The following CELF5 variants were observed in gnomAD, a reference collection of about 807,000 sequenced individuals.
CELF5 encodes CUG-BP and ETR-3 like factor 5.
A neutral mutation model predicts 54.9 loss-of-function variants in CELF5; 6 were observed. That is an observed-to-expected ratio of 0.11 (90% CI 0.06 to 0.22). CELF5 has a LOEUF of 0.22. CELF5 is among the 10% of genes least tolerant of loss of function. CELF5 has a pLI of 1.00. For missense variants in CELF5, 401 were observed against 678.6 expected (o/e 0.59, Z 4.54); for synonymous variants, 271 against 290.9 (o/e 0.93, Z 0.70).
intron 1 of CELF5, among the ~76,000 whole-genome samples, chr19:3,234,843 A>G (rs1423799424): frequency 1.3e-5 from 2 of 151,552 alleles, no homozygotes; most frequent in Non-Finnish European, 1.5e-5. Flanking sequence ...CTCATCCCTC[A>G]CCTGGACCAG....
chr19:3,255,695 C>A (rs777404699), intron 2 of CELF5, among the ~76,000 whole-genome samples: 5 of 152,156 alleles, frequency 3.3e-5, no homozygotes, highest in Non-Finnish European at 7.3e-5. Flanking sequence ...GCATCTTTCC[C>A]CTCAAACCTC....
chr19:3,270,299 G>A (rs1044306001), intron 2 of CELF5, among the ~76,000 whole-genome samples: 1 of 152,214 alleles, frequency 6.6e-6, no homozygotes, highest in Admixed American at 6.5e-5. Context: ...AAACGGAGAG[G>A]AAGGGAAGGG....
intron 1 of CELF5, among the ~76,000 whole-genome samples, chr19:3,248,296 C>A (rs563894847): frequency 2.6e-5 from 4 of 152,204 alleles, no homozygotes; most frequent in Admixed American, 2.6e-4. Context: ...GCTGGGATGA[C>A]AGGCGAGAGT....
Position 3,282,522 on chromosome 19 carries a change from G to A in CELF5, c.1039+24G>A. ...AGGTAAATTGGGGTCGTCCTCTGGG[G>A]CCTAGGAGAGTGGTGGGGAATAAAG... On this transcript the variant is annotated intron_variant, in intron 8 of 12. Transcript: ENST00000292672. This position sits in a 1 kb window ranked among gnomAD's most constrained non-coding sequence, Gnocchi z 5.2. The A allele has an allele frequency of 1.9e-6, 3 of 1,599,718 alleles. No homozygotes were observed. The highest frequency in any genetic ancestry group is 1.1e-5 in the South Asian group (1 of 89,610).
intron 1 of CELF5, among the ~76,000 whole-genome samples, chr19:3,249,215 C>T (rs2079614062): frequency 6.6e-6 from 1 of 152,020 alleles, no homozygotes; most frequent in Admixed American, 6.6e-5. Context: ...TTGACAACAT[C>T]GGAGCAGCCC....
At position 3,281,416 on chromosome 19, in the gene CELF5, C is replaced by A; in HGVS notation, c.750+71C>A. ...CAGTCTCTGTCTACTCTCTGTCGGG[C>A]TCCTGCCTCTCCCTCCATCTCCCTG... On this transcript the variant is annotated intron_variant, in intron 6 of 12. Coordinates refer to ENST00000292672, the MANE Select transcript of CELF5 (RefSeq NM_021938.4). The surrounding 1 kb of genome is among the most constrained non-coding windows in gnomAD (Gnocchi z 6.5). The A allele has an allele frequency of 6.7e-7, 1 of 1,501,782 alleles. No individual in the cohort carries two copies. Among genetic ancestry groups the A allele is most frequent in the Non-Finnish European group, 9.0e-7 (1 of 1,108,686 alleles). The allele number at this position is 1,501,782 out of a possible 1,614,324, so 93.0% of individuals were successfully genotyped here.
chr19:3,234,949 G>T (rs2144991775), intron 1 of CELF5, among the ~76,000 whole-genome samples: 1 of 152,114 alleles, frequency 6.6e-6, no homozygotes, highest in Non-Finnish European at 1.5e-5. Context: ...GAGCACCTGA[G>T]TCAGGACCCG....
chr19:3,233,402 CAAAT>C (rs558466335), intron 1 of CELF5, among the ~76,000 whole-genome samples: 146 of 152,266 alleles, frequency 9.6e-4, no homozygotes, highest in Non-Finnish European at 1.5e-3. Context: ...AACTAGGAAA[CAAAT>C]AAAGTTGAGA....
chr19:3,278,409 G>A lies in CELF5; in HGVS notation c.603+299G>A, dbSNP rs547578260. ...TGCATGTCTGGGTGTGAGTGTGCCC[G>A]AGACTGCATGCATGTGTGTGTGTGA... On this transcript the variant is annotated intron_variant, in intron 5 of 12. Transcript: ENST00000292672. This position sits in a 1 kb window ranked among gnomAD's most constrained non-coding sequence, Gnocchi z 4.5. 6.6e-6 allele frequency among the ~76,000 whole-genome samples: 1 copy of A among 151,836 alleles called. No individual in the cohort carries two copies. Among genetic ancestry groups the A allele is most frequent in the Non-Finnish European group, 1.5e-5 (1 of 67,954 alleles).
chr19:3,241,111 G>C (rs2079484847), intron 1 of CELF5, among the ~76,000 whole-genome samples: 1 of 150,670 alleles, frequency 6.6e-6, no homozygotes, highest in Non-Finnish European at 1.5e-5. Context: ...CACCAGGCTG[G>C]AGCGCAGTGG....
intron 10 of CELF5, among the ~76,000 whole-genome samples, chr19:3,288,073 T>C (rs2080283322): frequency 1.3e-5 from 2 of 152,148 alleles, no homozygotes; most frequent in Non-Finnish European, 2.9e-5. Context: ...GTGTGTGGCA[T>C]GCAGCGTGTA....
At chr19:3,292,310 T>G (rs932811225) in intron 11 of CELF5, among the ~76,000 whole-genome samples, 2 of 151,518 alleles carry the variant, frequency 1.3e-5, no homozygotes, top group African/African-American at 4.9e-5. Flanking sequence ...TTTGTTTTTT[T>G]TTTTTTTTTT....
Position 3,275,761 on chromosome 19 carries a change from G to A in CELF5, c.395-95G>A. ...CAGGGCCCGGGCGCCGCGTCTTCCT[G>A]CCCTGCCGCCTCCACTCTGCTGGAG... On this transcript the variant is annotated intron_variant, in intron 3 of 12. Coordinates refer to ENST00000292672, the MANE Select transcript of CELF5 (RefSeq NM_021938.4). The surrounding 1 kb of genome is among the most constrained non-coding windows in gnomAD (Gnocchi z 6.7). The A allele has an allele frequency of 2.2e-6, 3 of 1,384,738 alleles. No individual in the cohort carries two copies. The highest frequency in any genetic ancestry group is 2.5e-5 in the East Asian group (1 of 39,396). 85.8% of individuals were successfully genotyped at this position (1,384,738 alleles called of 1,614,324 possible).
chr19:3,238,350 C>T (rs2079445940), intron 1 of CELF5, among the ~76,000 whole-genome samples: 1 of 152,128 alleles, frequency 6.6e-6, no homozygotes, highest in Non-Finnish European at 1.5e-5. Context: ...AACCAGGGTT[C>T]ATGTCTTTCT....
intron 2 of CELF5, among the ~76,000 whole-genome samples, chr19:3,255,032 C>G (rs912387821): frequency 1.3e-5 from 2 of 151,530 alleles, no homozygotes; most frequent in Non-Finnish European, 2.9e-5. Flanking sequence ...TTCCATCTAT[C>G]CACCAAATTT....
At position 3,240,295 on chromosome 19, in the gene CELF5, G is replaced by T. The variant is rs2079473185; in HGVS notation, c.260-10690G>T. ...GCCTCCCAAAGTGCTGGTATTACAG[G>T]CATGAGCCACTGCACCTGGCCCTTC... On this transcript the variant is annotated intron_variant, in intron 1 of 12. Coordinates refer to ENST00000292672, the MANE Select transcript of CELF5 (RefSeq NM_021938.4). 1.3e-5 allele frequency among the ~76,000 whole-genome samples: 2 copies of T among 150,614 alleles called. 1 individual carries two copies. Among genetic ancestry groups the T allele is most frequent in the Admixed American group, 1.3e-4 (2 of 15,112 alleles).
rs921081731 is a variant in CELF5 at position 3,268,495 on chromosome 19, T to C, written c.343-5377T>C. On this transcript the variant is annotated intron_variant, in intron 2 of 12. Coordinates refer to ENST00000292672, the MANE Select transcript of CELF5 (RefSeq NM_021938.4). The surrounding 1 kb of genome is among the most constrained non-coding windows in gnomAD (Gnocchi z 4.4). ...CTGGGCCTGTGCAGACACCAAATTG[T>C]AAGACACTGCCTGGCACCAGCTCTT... Among the ~76,000 whole-genome samples, 20 of 152,050 alleles carry C rather than the reference T, an allele frequency of 1.3e-4. No individual in the cohort carries two copies. The highest frequency in any genetic ancestry group is 4.8e-4 in the African/African-American group (20 of 41,492).
intron 1 of CELF5, among the ~76,000 whole-genome samples, chr19:3,249,741 C>CCAT (rs1469872279): frequency 2.6e-5 from 4 of 152,352 alleles, no homozygotes; most frequent in African/African-American, 9.6e-5. Flanking sequence ...TCCTCTCAGA[C>CCAT]CATCCCCTCT....
chr19:3,230,355 A>G (rs1342898185), intron 1 of CELF5, among the ~76,000 whole-genome samples: 1 of 152,210 alleles, frequency 6.6e-6, no homozygotes, highest in Non-Finnish European at 1.5e-5. Flanking sequence ...TTATTTATGC[A>G]TTCACAGAAA....
Sources: gnomAD v4.1 joint callset for allele counts (sites outside exome capture counted in the v4.1 genomes callset) on GRCh38, gnomAD v4.1.1 for gene constraint, Gnocchi (gnomAD v3.1) non-coding constraint, MANE v1.5 for transcripts, NCBI Gene and HGNC (gene_info 2026-07-23, HGNC 2026-07-21) for gene names.